COL5A2: variants seen among roughly 807,000 people sequenced by gnomAD.
COL5A2 encodes the protein collagen type V alpha 2 chain.
A neutral mutation model predicts 208.2 loss-of-function variants in COL5A2; 23 were observed. That is an observed-to-expected ratio of 0.11 (90% CI 0.08 to 0.16). COL5A2 has a LOEUF of 0.16. Among genes scored for constraint, COL5A2 ranks in the 10% least tolerant of loss-of-function variants. The pLI is 1.00. For synonymous variants in COL5A2, 625 were observed against 628.5 expected, an observed-to-expected ratio of 0.99 and a Z score of 0.08; for missense variants, 1,590 against 1,956.4, an observed-to-expected ratio of 0.81 and a Z score of 3.53.
the COL5A2 span, among the ~76,000 whole-genome samples, chr2:189,258,737 A>G: frequency 6.6e-6 from 1 of 152,230 alleles, no homozygotes; most frequent in South Asian, 2.1e-4. Context: ...CTAAAAGAGG[A>G]AGGACAGGGA....
chr2:189,187,133 A>C (rs1260488794), intron 1 of COL5A2, among the ~76,000 whole-genome samples: 1 of 152,172 alleles, frequency 6.6e-6, no homozygotes, highest in Non-Finnish European at 1.5e-5. Flanking sequence ...TCTTCTCTTT[A>C]CACACTATTC....
At chr2:189,332,216 ATT>A in the COL5A2 span, among the ~76,000 whole-genome samples, 1 of 152,224 alleles carries the variant, frequency 6.6e-6, no homozygotes, top group African/African-American at 2.4e-5. Context: ...TTCTCTTGAC[ATT>A]GATTCATAAT....
chr2:189,040,009 T>C (rs1685525715), intron 50 of COL5A2, among the ~76,000 whole-genome samples: 1 of 152,052 alleles, frequency 6.6e-6, no homozygotes, highest in South Asian at 2.1e-4. Flanking sequence ...TACATGTCAA[T>C]AACAAGAAAA....
intron 1 of COL5A2, among the ~76,000 whole-genome samples, chr2:189,123,389 G>C (rs1233772075): frequency 6.6e-6 from 1 of 152,158 alleles, no homozygotes; most frequent in Admixed American, 6.5e-5. Flanking sequence ...CTGTACTTCA[G>C]AATGTGACAT....
chr2:189,296,984 G>C, the COL5A2 span, among the ~76,000 whole-genome samples: 9 of 152,170 alleles, frequency 5.9e-5, no homozygotes, highest in Non-Finnish European at 1.0e-4. Flanking sequence ...TGCCTCTTCA[G>C]ACTAGTAAAA....
chr2:189,266,272 A>G, the COL5A2 span, among the ~76,000 whole-genome samples: 1 of 152,066 alleles, frequency 6.6e-6, no homozygotes, highest in Non-Finnish European at 1.5e-5. Context: ...CTAAAAATAC[A>G]AAAATTAGCG....
chr2:189,065,131 T>A, intron 23 of COL5A2, 74 bp from the exon 24 acceptor site: 1 of 1,356,566 alleles, frequency 7.4e-7, no homozygotes, highest in Non-Finnish European at 1.0e-6. Context: ...GTGATTTTTA[T>A]TTTTAGCACT....
At position 189,164,852 on chromosome 2, in the gene COL5A2, T is replaced by C. The variant is rs187620131; in HGVS notation, c.97+14656A>G. Among the ~76,000 whole-genome samples the C allele has an allele frequency of 6.6e-5, 10 of 152,348 alleles. No individual in the cohort carries two copies. The East Asian group carries it at 1.7e-3, about 26-fold the overall frequency. ...GAATTTATAAGGAAAGAGAGCTTTA[T>C]TGCAGTCATCTGACACAGGGCCAGT... On this transcript the variant is annotated intron_variant, in intron 1 of 53. Coordinates refer to ENST00000374866, the MANE Select transcript of COL5A2 (RefSeq NM_000393.5).
the COL5A2 span, chr2:189,311,408 C>T: frequency 2.3e-5 from 25 of 1,095,458 alleles, no homozygotes; most frequent in Admixed American, 7.1e-5. Context: ...TTCCAGCAGG[C>T]GGCGGTAGGT....
upstream of COL5A2, among the ~76,000 whole-genome samples, chr2:189,226,431 G>C (rs139929395): frequency 2.6e-5 from 4 of 152,226 alleles, no homozygotes; most frequent in Non-Finnish European, 5.9e-5. Context: ...CACAAAGCCA[G>C]CCACATTGAA....
chr2:189,365,174 T>C, the COL5A2 span, among the ~76,000 whole-genome samples: 58 of 152,350 alleles, frequency 3.8e-4, no homozygotes, highest in African/African-American at 1.3e-3. Context: ...TCATTAATTC[T>C]ATATAAGCAG....
At chr2:189,375,794 G>GA in the COL5A2 span, among the ~76,000 whole-genome samples, 22 of 152,114 alleles carry the variant, frequency 1.4e-4, no homozygotes, top group African/African-American at 4.8e-5. Flanking sequence ...GAGTAAAAAG[G>GA]AAAAAATTAG....
chr2:189,138,222 C>T (rs1687863022), intron 1 of COL5A2, among the ~76,000 whole-genome samples: 1 of 152,176 alleles, frequency 6.6e-6, no homozygotes, highest in Non-Finnish European at 1.5e-5. Context: ...GATCCACCCT[C>T]CTCGGCCTCC....
At chr2:189,441,068 G>A in the COL5A2 span, among the ~76,000 whole-genome samples, 1 of 152,092 alleles carries the variant, frequency 6.6e-6, no homozygotes, top group Non-Finnish European at 1.5e-5. Flanking sequence ...AACCAGGGAC[G>A]CGAGAGGCTC....
chr2:189,166,734 G>T (rs536094760), intron 1 of COL5A2, among the ~76,000 whole-genome samples: 27 of 152,298 alleles, frequency 1.8e-4, no homozygotes, highest in African/African-American at 6.3e-4. Context: ...TTTACCCAGA[G>T]CCAGTATGTC....
At chr2:189,184,193 G>A (rs1053005882), upstream of COL5A2, among the ~76,000 whole-genome samples, 1 of 152,052 alleles carries the variant, frequency 6.6e-6, no homozygotes, top group African/African-American at 2.4e-5. Context: ...GGAGTTGGTG[G>A]CAGAAGGGAT....
intron 6 of COL5A2, among the ~76,000 whole-genome samples, chr2:189,096,939 C>T (rs963800925): frequency 2.6e-5 from 4 of 152,102 alleles, no homozygotes; most frequent in African/African-American, 9.7e-5. Context: ...AATTTTTTCC[C>T]GTATCCAGCT....
chr2:189,294,810 GT>G, the COL5A2 span, among the ~76,000 whole-genome samples: 5 of 151,758 alleles, frequency 3.3e-5, no homozygotes, highest in Non-Finnish European at 5.9e-5. Context: ...TTTTTGTTTT[GT>G]TTTTTGGCAC....
intron 39 of COL5A2, 43 bp downstream of exon 39, chr2:189,052,868 T>A (rs1387287109): frequency 6.2e-7 from 1 of 1,610,882 alleles, no homozygotes; most frequent in Non-Finnish European, 8.5e-7. Context: ...ACTCCAAACA[T>A]GGGGCACTTG....
Sources: gnomAD v4.1 joint callset for allele counts (sites outside exome capture counted in the v4.1 genomes callset) on GRCh38, gnomAD v4.1.1 for gene constraint, MANE v1.5 for transcripts, NCBI Gene and HGNC (gene_info 2026-07-23, HGNC 2026-07-21) for gene names.